Variants in SGCZ observed in about 807,000 individuals in gnomAD.
The protein encoded by SGCZ is zeta-sarcoglycan.
Under a neutral mutation model 41.3 loss-of-function variants are expected in SGCZ, and 40 were observed. That is an observed-to-expected ratio of 0.97 (90% CI 0.75 to 1.26). The LOEUF is 1.26. Ranked by LOEUF, SGCZ falls within the 50% of genes most tolerant of loss-of-function variation. The pLI is 0.00. For synonymous variants in SGCZ, 206 were observed against 137.5 expected (o/e 1.50, Z -3.49); for missense variants, 552 against 369.8 (o/e 1.49, Z -4.04).
chr8:14,853,460 G>T (rs1355211141), intron 1 of SGCZ: 1 of 532,866 alleles, frequency 1.9e-6, no homozygotes, highest in South Asian at 1.4e-5. Flanking sequence ...AGGCAGTGCT[G>T]TGGCTGATTA....
intron 1 of SGCZ, among the ~76,000 whole-genome samples, chr8:15,111,727 C>G (rs1807065457): frequency 6.6e-6 from 1 of 152,032 alleles, no homozygotes; most frequent in East Asian, 1.9e-4. Context: ...TGGTGAAACC[C>G]TGTCTCCACT....
intron 4 of SGCZ, among the ~76,000 whole-genome samples, chr8:14,167,615 C>T (rs1389220771): frequency 6.6e-6 from 1 of 151,978 alleles, no homozygotes; most frequent in Non-Finnish European, 1.5e-5. Context: ...AAGATGTAAG[C>T]AAAATAATAG....
At chr8:14,699,451 T>C (rs2117592944) in intron 1 of SGCZ, among the ~76,000 whole-genome samples, 1 of 151,912 alleles carries the variant, frequency 6.6e-6, no homozygotes, top group Admixed American at 6.6e-5. Context: ...CCTTTTACCA[T>C]ATGCAAAAAT....
rs921971673 is a variant in SGCZ, at chr8:14,926,789, C to A, written c.39+310796G>T. Among the ~76,000 whole-genome samples the A allele has an allele frequency of 2.6e-5, 4 of 151,894 alleles. No homozygotes were observed. The East Asian group carries it at 7.8e-4, about 30-fold the overall frequency. ...CCAAGTAGCTGGGATTACAGGCATGCGCCACCACACCCAGCTAATTTTTTT... is the reference window on the plus strand; with the variant it reads ...CCAAGTAGCTGGGATTACAGGCATGAGCCACCACACCCAGCTAATTTTTTT... On this transcript the variant is annotated intron_variant, in intron 1 of 7. Coordinates refer to ENST00000382080, the MANE Select transcript of SGCZ (RefSeq NM_139167.4).
chr8:15,236,332 G>A (rs1018158748), intron 1 of SGCZ, among the ~76,000 whole-genome samples: 6 of 152,192 alleles, frequency 3.9e-5, no homozygotes, highest in African/African-American at 9.7e-5. Flanking sequence ...GCTGCAGACA[G>A]AGGCTTTGGA....
chr8:14,449,862 G>C (rs1800541756), intron 2 of SGCZ, among the ~76,000 whole-genome samples: 1 of 152,118 alleles, frequency 6.6e-6, no homozygotes, highest in Admixed American at 6.6e-5. Flanking sequence ...ATTAGTATTG[G>C]ATTCACCCCA....
chr8:14,790,240 C>A (rs1033471650), intron 1 of SGCZ, among the ~76,000 whole-genome samples: 1 of 151,976 alleles, frequency 6.6e-6, no homozygotes, highest in African/African-American at 2.4e-5. Flanking sequence ...ATACCAAAGA[C>A]CAAAAAGTAA....
intron 1 of SGCZ, among the ~76,000 whole-genome samples, chr8:14,589,915 T>A (rs1049754651): frequency 3.3e-5 from 5 of 152,160 alleles, no homozygotes; most frequent in African/African-American, 9.7e-5. Flanking sequence ...TTAGTCCAGG[T>A]TTCTTTATTG....
chr8:14,828,628 G>A (rs1242703226), intron 1 of SGCZ, among the ~76,000 whole-genome samples: 1 of 152,162 alleles, frequency 6.6e-6, no homozygotes, highest in African/African-American at 2.4e-5. Context: ...ATCAAGAGGT[G>A]TCAGTGGTCC....
intron 1 of SGCZ, among the ~76,000 whole-genome samples, chr8:15,046,350 A>T (rs549747255): frequency 1.5e-4 from 23 of 152,212 alleles, no homozygotes; most frequent in Non-Finnish European, 3.2e-4. Context: ...TGACCATTCA[A>T]GTTAATTCCC....
chr8:14,920,971 C>A (rs962436131), intron 1 of SGCZ, among the ~76,000 whole-genome samples: 1 of 152,184 alleles, frequency 6.6e-6, no homozygotes, highest in Non-Finnish European at 1.5e-5. Context: ...TTGACCTTGA[C>A]TGCAGGAAGC....
At chr8:14,940,966 G>T (rs188397517) in intron 1 of SGCZ, among the ~76,000 whole-genome samples, 1 of 151,758 alleles carries the variant, frequency 6.6e-6, no homozygotes, top group Admixed American at 6.6e-5. Context: ...TATAATATCT[G>T]TTGTATGCAA....
chr8:14,226,030 G>A (rs1806361309), intron 4 of SGCZ, among the ~76,000 whole-genome samples: 1 of 151,962 alleles, frequency 6.6e-6, no homozygotes, highest in Non-Finnish European at 1.5e-5. Context: ...GATGGTATAA[G>A]TGATATTCTA....
chr8:14,950,270 A>G (rs1488813587), intron 1 of SGCZ, among the ~76,000 whole-genome samples: 1 of 152,040 alleles, frequency 6.6e-6, no homozygotes, highest in Non-Finnish European at 1.5e-5. Context: ...AACAAACCAA[A>G]TGATGAAGTT....
chr8:15,152,852 T>A lies in SGCZ; in HGVS notation c.39+84733A>T, dbSNP rs139040156. 1.8e-4 allele frequency among the ~76,000 whole-genome samples: 27 copies of A among 152,330 alleles called. 1 individual carries two copies. The East Asian group carries it at 5.2e-3, about 29-fold the overall frequency. ...TCAGATAAACTGACTAATAATCTCC[T>A]GACTGCTATAGTGATTCCCAGACCA... On this transcript the variant is annotated intron_variant, in intron 1 of 7. Coordinates refer to ENST00000382080, the MANE Select transcript of SGCZ (RefSeq NM_139167.4).
intron 2 of SGCZ, among the ~76,000 whole-genome samples, chr8:14,504,054 T>C (rs1802233100): frequency 6.6e-6 from 1 of 152,162 alleles, no homozygotes; most frequent in Admixed American, 6.6e-5. Context: ...GTTATCATTA[T>C]TTTTCCAAAG....
chr8:15,052,645 G>C (rs1452923053), intron 1 of SGCZ, among the ~76,000 whole-genome samples: 1 of 152,090 alleles, frequency 6.6e-6, no homozygotes. Flanking sequence ...ATATGACAGA[G>C]ATTGGGAAAT....
chr8:14,613,615 T>C lies in SGCZ; in HGVS notation c.40-58689A>G, dbSNP rs368286727. On this transcript the variant is annotated intron_variant, in intron 1 of 7. Transcript: ENST00000382080. ...ACAAATCCTTCTAAATTTCAGAGCA[T>C]GCAGAATTTGCAGGGGTATACGCCA... Among the ~76,000 whole-genome samples the C allele has an allele frequency of 4.6e-5, 7 of 152,184 alleles. No individual in the cohort carries two copies. The East Asian group carries it at 1.2e-3, about 25-fold the overall frequency.
chr8:15,198,010 G>A (rs1275046524), intron 1 of SGCZ, among the ~76,000 whole-genome samples: 2 of 147,492 alleles, frequency 1.4e-5, no homozygotes, highest in African/African-American at 2.5e-5. Flanking sequence ...AATTACATAT[G>A]TAAATATATG....
Sources: gnomAD v4.1 joint callset for allele counts (sites outside exome capture counted in the v4.1 genomes callset) on GRCh38, gnomAD v4.1.1 for gene constraint, MANE v1.5 for transcripts, NCBI Gene and HGNC (gene_info 2026-07-23, HGNC 2026-07-21) for gene names.